GNAL: variants seen among roughly 807,000 people sequenced by gnomAD.
The protein encoded by GNAL is guanine nucleotide-binding protein G(olf) subunit alpha.
Under a neutral mutation model 55.1 loss-of-function variants are expected in GNAL, and 18 were observed. The observed-to-expected ratio is 0.33, with a 90% confidence interval of 0.23 to 0.48. The LOEUF is 0.48. GNAL is among the 20% of genes least tolerant of loss of function. The probability of loss-of-function intolerance (pLI) is 0.99; values close to 1 mark genes in which losing one functional copy is unlikely to be tolerated. For synonymous variants in GNAL, 253 were observed against 237.0 expected (o/e 1.07, Z -0.62); for missense variants, 412 against 614.1 (o/e 0.67, Z 3.48).
chr18:11,752,547 T>G lies in GNAL; in HGVS notation c.377-306T>G, dbSNP rs1322187013. 1 of 1,612,154 alleles carries G rather than the reference T, an allele frequency of 6.2e-7. No homozygotes were observed. Among genetic ancestry groups the G allele is most frequent in the Non-Finnish European group, 8.5e-7 (1 of 1,179,326 alleles). ...AGCAGTTGCAGAAAGAGCGCCTGGCTTACAAGGCTACCCACCGCCTGCTGC... is the reference window on the plus strand; with the variant it reads ...AGCAGTTGCAGAAAGAGCGCCTGGCGTACAAGGCTACCCACCGCCTGCTGC... On this transcript the variant is annotated intron_variant, in intron 1 of 11. Coordinates refer to ENST00000334049, the MANE Select transcript of GNAL (RefSeq NM_182978.4). The surrounding 1 kb of genome is among the most constrained non-coding windows in gnomAD (Gnocchi z 4.5).
intron 5 of GNAL, chr18:11,853,976 C>T (rs1447827901): frequency 2.5e-4 from 41 of 165,230 alleles, no homozygotes; most frequent in Non-Finnish European, 2.9e-5. Flanking sequence ...GTGTGCACCA[C>T]CATGCCCAGC....
chr18:11,817,665 C>G (rs2034991213), intron 4 of GNAL, among the ~76,000 whole-genome samples: 2 of 152,212 alleles, frequency 1.3e-5, no homozygotes, highest in African/African-American at 4.8e-5. Flanking sequence ...TCTCTGCTCA[C>G]TGCAACCTCC....
At chr18:11,755,776 G>A (rs927756538) in intron 4 of GNAL, among the ~76,000 whole-genome samples, 1 of 152,238 alleles carries the variant, frequency 6.6e-6, no homozygotes, top group Admixed American at 6.5e-5. Context: ...AGGGGTTGAC[G>A]TGGCAGGGGA....
chr18:11,703,010 C>T (rs951806513), intron 1 of GNAL, among the ~76,000 whole-genome samples: 1 of 152,128 alleles, frequency 6.6e-6, no homozygotes, highest in South Asian at 2.1e-4. Flanking sequence ...CCCAGCTAGT[C>T]GGGAAGCTGA....
intron 1 of GNAL, among the ~76,000 whole-genome samples, chr18:11,716,647 C>T (rs1296373362): frequency 1.3e-5 from 2 of 152,166 alleles, no homozygotes; most frequent in Non-Finnish European, 2.9e-5. Context: ...CACCTCCCCA[C>T]CAGATTAGCT....
chr18:11,877,102 C>T (rs1005939977), intron 11 of GNAL, among the ~76,000 whole-genome samples: 2 of 152,018 alleles, frequency 1.3e-5, no homozygotes, highest in Admixed American at 1.3e-4. Flanking sequence ...TTTTTTTCTT[C>T]AGCTTTTTGA....
chr18:11,852,522 G>C (rs1489597049), intron 5 of GNAL: 1 of 194,168 alleles, frequency 5.2e-6, no homozygotes, highest in African/African-American at 2.4e-5. Context: ...AGAGGGGAAA[G>C]ATTACTTAGT....
intron 4 of GNAL, among the ~76,000 whole-genome samples, chr18:11,773,454 A>T (rs1253805035): frequency 6.6e-6 from 1 of 152,146 alleles, no homozygotes; most frequent in African/African-American, 2.4e-5. Flanking sequence ...AAAAGAGAGG[A>T]AACAAAATAG....
At chr18:11,850,498 A>ACAGCACACATT (rs1491548733) in intron 5 of GNAL, among the ~76,000 whole-genome samples, 5 of 152,172 alleles carry the variant, frequency 3.3e-5, no homozygotes, top group Non-Finnish European at 5.9e-5. Flanking sequence ...GAGAAAAGTG[A>ACAGCACACATT]CAGCACACAT....
At chr18:11,782,435 CTT>C (rs2033947090) in intron 4 of GNAL, among the ~76,000 whole-genome samples, 3 of 152,172 alleles carry the variant, frequency 2.0e-5, no homozygotes, top group Non-Finnish European at 4.4e-5. Flanking sequence ...ATATAATCCT[CTT>C]TTGTTTGTAA....
At chr18:11,803,647 G>C (rs1319303100) in intron 4 of GNAL, among the ~76,000 whole-genome samples, 1 of 150,230 alleles carries the variant, frequency 6.7e-6, no homozygotes, top group Non-Finnish European at 1.5e-5. Context: ...CGGAGATACT[G>C]TGTAGTGGTG....
chr18:11,857,449 T>C (rs554018182), intron 5 of GNAL: 2 of 982,372 alleles, frequency 2.0e-6, no homozygotes, highest in East Asian at 1.1e-4. Context: ...TAAAAGAGAC[T>C]GAAGGGGAGA....
In GNAL at chr18:11,871,219, C is replaced by T. The variant is rs1177313404; in HGVS notation, c.1032-1049C>T. On this transcript the variant is annotated intron_variant, in intron 9 of 11. Transcript: ENST00000334049. ...AAGCAGGTAAGCTATTTCCATTTGA[C>T]GGGAAAGTGGATTGTGTGTGTGGGT... Among the ~76,000 whole-genome samples the T allele has an allele frequency of 3.3e-5, 5 of 150,088 alleles. No individual in the cohort carries two copies. In the South Asian group the frequency reaches 6.3e-4, roughly 19 times the overall value.
chr18:11,758,260 G>C (rs1365876517), intron 4 of GNAL, among the ~76,000 whole-genome samples: 3 of 152,116 alleles, frequency 2.0e-5, no homozygotes, highest in African/African-American at 7.2e-5. Context: ...AGGTGAGGGA[G>C]GGCTTGTTAG....
At chr18:11,851,305 C>G (rs1237050224) in intron 5 of GNAL, 12 of 566,482 alleles carry the variant, frequency 2.1e-5, no homozygotes. Context: ...TGGCGTCTTA[C>G]GTCCCACAGG....
chr18:11,710,970 G>A (rs2031824339), intron 1 of GNAL, among the ~76,000 whole-genome samples: 1 of 152,030 alleles, frequency 6.6e-6, no homozygotes, highest in Non-Finnish European at 1.5e-5. Flanking sequence ...CCACCTCCCG[G>A]GTTCACACCA....
chr18:11,878,775 C>G (rs955257899), intron 11 of GNAL, among the ~76,000 whole-genome samples: 15 of 151,964 alleles, frequency 9.9e-5, no homozygotes, highest in African/African-American at 3.6e-4. Flanking sequence ...GCTATGTTGG[C>G]CAGGCTGGTC....
At chr18:11,789,401 T>G (rs189287121) in intron 4 of GNAL, among the ~76,000 whole-genome samples, 5 of 152,346 alleles carry the variant, frequency 3.3e-5, no homozygotes, top group Admixed American at 2.6e-4. Flanking sequence ...CATTACGGAC[T>G]GTGATGATGG....
chr18:11,779,790 C>A (rs1231929141), intron 4 of GNAL, among the ~76,000 whole-genome samples: 1 of 152,164 alleles, frequency 6.6e-6, no homozygotes, highest in African/African-American at 2.4e-5. Context: ...ATTTATCCAC[C>A]AAACTTTTGC....
Sources: gnomAD v4.1 joint callset for allele counts (sites outside exome capture counted in the v4.1 genomes callset) on GRCh38, gnomAD v4.1.1 for gene constraint, Gnocchi (gnomAD v3.1) non-coding constraint, MANE v1.5 for transcripts, NCBI Gene and HGNC (gene_info 2026-07-23, HGNC 2026-07-21) for gene names.